The following CDH9 variants were observed in gnomAD, a reference collection of about 807,000 sequenced individuals.
The protein encoded by CDH9 is cadherin 9, also known as cadherin-9.
In CDH9, 28 loss-of-function variants were observed where a neutral mutation model predicts 70.9. That is an observed-to-expected ratio of 0.40 (90% CI 0.29 to 0.54). The LOEUF is 0.54. Ranked by LOEUF, CDH9 falls within the 20% of genes least tolerant of loss-of-function variation. The pLI is 0.59. For missense variants in CDH9, 874 were observed against 984.4 expected (o/e 0.89, Z 1.50); for synonymous variants, 409 against 343.1 (o/e 1.19, Z -2.12).
At chr5:26,984,368 G>A (rs1742454810) in intron 2 of CDH9, among the ~76,000 whole-genome samples, 1 of 152,074 alleles carries the variant, frequency 6.6e-6, no homozygotes, top group Admixed American at 6.6e-5. Context: ...CTTCACAATT[G>A]TGAAAAATAA....
intron 2 of CDH9, among the ~76,000 whole-genome samples, chr5:26,963,462 G>T (rs2170036): frequency 0.7 from 106,106 of 151,548 alleles, 40,502 homozygotes; most frequent in East Asian, 0.99. Flanking sequence ...GATAGCAATT[G>T]TTCATTGTGG....
chr5:26,993,828 T>C (rs934025104), intron 1 of CDH9, among the ~76,000 whole-genome samples: 1 of 151,892 alleles, frequency 6.6e-6, no homozygotes, highest in Admixed American at 6.6e-5. Flanking sequence ...TGCCAGATAG[T>C]TTCTTCACAG....
intron 3 of CDH9, among the ~76,000 whole-genome samples, chr5:26,907,894 A>T (rs1740977768): frequency 6.6e-6 from 1 of 152,162 alleles, no homozygotes; most frequent in Non-Finnish European, 1.5e-5. Flanking sequence ...CTAATTTAAT[A>T]GCCCACATGC....
At chr5:27,010,356 C>T (rs1742935623) in intron 1 of CDH9, among the ~76,000 whole-genome samples, 1 of 152,116 alleles carries the variant, frequency 6.6e-6, no homozygotes, top group Admixed American at 6.6e-5. Context: ...GCCAGTTACA[C>T]ACAAAGGTGT....
intron 2 of CDH9, among the ~76,000 whole-genome samples, chr5:26,947,400 T>A (rs1206879872): frequency 6.6e-6 from 1 of 152,160 alleles, no homozygotes; most frequent in Non-Finnish European, 1.5e-5. Context: ...ACTCTTATAA[T>A]CCAACTGTTC....
chr5:26,952,920 AAAG>A (rs1741878279), intron 2 of CDH9, among the ~76,000 whole-genome samples: 1 of 119,806 alleles, frequency 8.3e-6, no homozygotes, highest in Non-Finnish European at 1.8e-5. Context: ...AAAAAAAAAA[AAAG>A]TTTAAAGAGA....
At chr5:27,031,900 A>G (rs1404159774) in intron 1 of CDH9, among the ~76,000 whole-genome samples, 1 of 151,878 alleles carries the variant, frequency 6.6e-6, no homozygotes, top group Non-Finnish European at 1.5e-5. Context: ...ACTTATTTCA[A>G]GAAATTTTAT....
chr5:26,972,063 ATG>A (rs752348976), intron 2 of CDH9, among the ~76,000 whole-genome samples: 3 of 152,188 alleles, frequency 2.0e-5, no homozygotes, highest in Middle Eastern at 3.2e-3. Context: ...GGCAATCTAG[ATG>A]TATTCGAGCA....
chr5:27,022,792 A>T (rs1007760358), intron 1 of CDH9, among the ~76,000 whole-genome samples: 5 of 152,128 alleles, frequency 3.3e-5, no homozygotes, highest in Non-Finnish European at 5.9e-5. Context: ...TATGGAAGTC[A>T]ATGGAACAGA....
chr5:27,031,371 A>G (rs1743307601), intron 1 of CDH9, among the ~76,000 whole-genome samples: 1 of 151,940 alleles, frequency 6.6e-6, no homozygotes, highest in Non-Finnish European at 1.5e-5. Flanking sequence ...TTCTTCAAAT[A>G]GATAACTGAA....
At chr5:27,028,411 T>TA (rs1343993789) in intron 1 of CDH9, 1 of 151,648 alleles carries the variant, frequency 6.6e-6, no homozygotes, top group African/African-American at 2.4e-5. Context: ...TAACAATAAA[T>TA]ACCCTAGACT....
chr5:26,990,375 G>T (rs375749213), intron 1 of CDH9, among the ~76,000 whole-genome samples: 1 of 152,062 alleles, frequency 6.6e-6, no homozygotes, highest in Non-Finnish European at 1.5e-5. Flanking sequence ...CAAACATATG[G>T]TTACAAATAT....
intron 2 of CDH9, among the ~76,000 whole-genome samples, chr5:26,957,904 G>C (rs1046502483): frequency 6.6e-6 from 1 of 152,044 alleles, no homozygotes; most frequent in East Asian, 1.9e-4. Flanking sequence ...GTTATTGTGA[G>C]ACTTCTGATT....
chr5:26,881,657 C>A, intron 11 of CDH9, 34 bp from the exon 12 acceptor site: 1 of 1,571,234 alleles, frequency 6.4e-7, no homozygotes, highest in Non-Finnish European at 8.6e-7. Flanking sequence ...AGTGAGATTT[C>A]ATGAGTCAGG....
chr5:26,925,752 G>A (rs963142720), intron 2 of CDH9, among the ~76,000 whole-genome samples: 9 of 151,814 alleles, frequency 5.9e-5, no homozygotes, highest in African/African-American at 2.2e-4. Context: ...GGATCCAGTT[G>A]CAGTTTTCTA....
intron 2 of CDH9, among the ~76,000 whole-genome samples, chr5:26,952,559 C>A (rs1490163850): frequency 7.9e-6 from 1 of 126,018 alleles, no homozygotes; most frequent in African/African-American, 3.0e-5. Flanking sequence ...GGTATGAACC[C>A]GGGAGGCAGA....
chr5:26,930,872 T>C (rs542916349), intron 2 of CDH9, among the ~76,000 whole-genome samples: 7 of 152,274 alleles, frequency 4.6e-5, no homozygotes, highest in Non-Finnish European at 5.9e-5. Context: ...ACTTCAGCCA[T>C]AAATGTATTT....
intron 1 of CDH9, among the ~76,000 whole-genome samples, chr5:27,032,847 T>A (rs1358182243): frequency 6.6e-6 from 1 of 151,374 alleles, no homozygotes; most frequent in East Asian, 1.9e-4. Context: ...TAATTAAAAA[T>A]TTCACCATAT....
At chr5:26,924,203 A>G (rs1462167674) in intron 2 of CDH9, among the ~76,000 whole-genome samples, 1 of 152,038 alleles carries the variant, frequency 6.6e-6, no homozygotes, top group African/African-American at 2.4e-5. Context: ...AATCGAAGAT[A>G]AAAAATGACA....
Sources: allele counts gnomAD v4.1 joint callset (sites outside exome capture counted in the v4.1 genomes callset), GRCh38; gene constraint gnomAD v4.1.1; transcripts MANE v1.5; gene names NCBI Gene and HGNC (gene_info 2026-07-23, HGNC 2026-07-21).